Variants in ABR observed in about 807,000 individuals in gnomAD.
ABR encodes the protein active breakpoint cluster region-related protein.
In ABR, 35 loss-of-function variants were observed where a neutral mutation model predicts 107.2. The observed-to-expected ratio is 0.33, with a 90% CI of 0.25 to 0.43. ABR has a LOEUF of 0.43. ABR is among the 20% of genes least tolerant of loss of function. ABR has a pLI of 1.00. For synonymous variants in ABR, 498 were observed against 462.0 expected (o/e 1.08, Z -1.00); for missense variants, 815 against 1,115.2 (o/e 0.73, Z 3.83).
chr17:1,170,166 T>G (rs2041655974), intron 1 of ABR, among the ~76,000 whole-genome samples: 1 of 152,154 alleles, frequency 6.6e-6, no homozygotes. Flanking sequence ...ATGCTCCCAG[T>G]GCTTCCAGGA....
At chr17:1,021,490 G>A (rs558254457) in intron 16 of ABR, among the ~76,000 whole-genome samples, 1 of 152,224 alleles carries the variant, frequency 6.6e-6, no homozygotes, top group African/African-American at 2.4e-5. Context: ...CCTCAGAGGG[G>A]GTTGCAGAGG....
At chr17:1,208,646 T>C (rs1390727407) in intron 1 of ABR, among the ~76,000 whole-genome samples, 1 of 152,154 alleles carries the variant, frequency 6.6e-6, no homozygotes, top group Admixed American at 6.6e-5. Context: ...CCCAGCACTT[T>C]GGGAGGCCGA....
chr17:1,203,043 C>T (rs1352891452), intron 1 of ABR, among the ~76,000 whole-genome samples: 7 of 152,152 alleles, frequency 4.6e-5, no homozygotes, highest in Non-Finnish European at 8.8e-5. Flanking sequence ...TGCACCACCA[C>T]GCCTGGCTAA....
intron 16 of ABR, among the ~76,000 whole-genome samples, chr17:1,013,687 C>T (rs554874233): frequency 2.6e-5 from 4 of 152,358 alleles, no homozygotes; most frequent in African/African-American, 9.6e-5. Context: ...GTTTTAAACT[C>T]ACTAAGCCTC....
chr17:1,162,021 G>C (rs907493964), intron 1 of ABR, among the ~76,000 whole-genome samples: 1 of 152,184 alleles, frequency 6.6e-6, no homozygotes, highest in African/African-American at 2.4e-5. Context: ...TCCCAGTGCT[G>C]CACGGACTTT....
At chr17:1,171,330 T>TCCCAC (rs999861617) in intron 1 of ABR, among the ~76,000 whole-genome samples, 1 of 152,076 alleles carries the variant, frequency 6.6e-6, no homozygotes, top group Non-Finnish European at 1.5e-5. Context: ...AGCCCTTCAA[T>TCCCAC]CCCACGAAGG....
intron 1 of ABR, among the ~76,000 whole-genome samples, chr17:1,129,153 G>A (rs1467535798): frequency 1.3e-5 from 2 of 152,216 alleles, no homozygotes; most frequent in Non-Finnish European, 2.9e-5. Context: ...TCCCATGGAG[G>A]GGAACGTCAC....
chr17:1,029,951 G>A (rs1242432847), intron 16 of ABR, among the ~76,000 whole-genome samples: 7 of 151,792 alleles, frequency 4.6e-5, no homozygotes, highest in East Asian at 1.9e-4. Flanking sequence ...TCCACGACAC[G>A]GACACACTGT....
chr17:1,079,007 G>C, intron 6 of ABR: 3 of 1,464,764 alleles, frequency 2.0e-6, no homozygotes, highest in Non-Finnish European at 1.8e-6. Flanking sequence ...CTTCCAGCAA[G>C]GGGGAGGGGA....
At chr17:1,225,095 G>C (rs2043188927) in intron 1 of ABR, among the ~76,000 whole-genome samples, 1 of 149,210 alleles carries the variant, frequency 6.7e-6, no homozygotes, top group Non-Finnish European at 1.5e-5. Flanking sequence ...CTTGCAGGGA[G>C]CCCAGATGGC....
intron 1 of ABR, among the ~76,000 whole-genome samples, chr17:1,158,928 C>T (rs2041151564): frequency 6.6e-6 from 1 of 152,202 alleles, no homozygotes; most frequent in South Asian, 2.1e-4. Context: ...CCTAGGATTA[C>T]CCAGAGAAGG....
rs373497755 is a variant in ABR at position 1,070,049 on chromosome 17, T to A, written c.936A>T (p.Ser312=). The A allele has an allele frequency of 6.2e-7, 1 of 1,613,212 alleles. No homozygotes were observed. Among genetic ancestry groups the A allele is most frequent in the Non-Finnish European group, 8.5e-7 (1 of 1,179,728 alleles). The change falls in exon 9 of 23, where the codon TCA becomes TCT. Residue 312 remains serine (S), a synonymous_variant. Transcript: ENST00000302538. This position sits in a 1 kb window ranked among gnomAD's most constrained non-coding sequence, Gnocchi z 4.2. ...CGTGCCGCAGCTTCCGGGAGCTCTC[T>A]GACACTTCCACCAGGAAGCCGTCCT... ...LVKDGFLVEV[S]ESSRKLRHVF... is the part of the protein sequence containing the mutation.
intron 10 of ABR, 49 bp downstream of exon 10, chr17:1,067,028 A>T: frequency 6.3e-7 from 1 of 1,598,168 alleles, no homozygotes; most frequent in Non-Finnish European, 8.5e-7. Flanking sequence ...ACCTCCCCCA[A>T]CACAGCTGGC....
rs556625114 is a variant in ABR at position 1,084,993 on chromosome 17, C to T, written c.532-1366G>A. Among the ~76,000 whole-genome samples, 3 of 149,436 alleles carry T rather than the reference C, an allele frequency of 2.0e-5. No homozygotes were observed. The highest frequency in any genetic ancestry group is 2.0e-4 in the East Asian group (1 of 4,972). On this transcript the variant is annotated intron_variant, in intron 4 of 22. Coordinates refer to ENST00000302538, the MANE Select transcript of ABR (RefSeq NM_021962.5). This position sits in a 1 kb window ranked among gnomAD's most constrained non-coding sequence, Gnocchi z 4.2. ...AATCTTGTATTTTTAGTAGAGACGG[C>T]GTTTCTCCATATTGGTCAGGCTGGT...
At chr17:1,053,469 C>T (rs1032590019) in intron 14 of ABR, among the ~76,000 whole-genome samples, 8 of 151,962 alleles carry the variant, frequency 5.3e-5, no homozygotes, top group Admixed American at 2.0e-4. Flanking sequence ...GCGAGGGTTC[C>T]GGAGTCAGAC....
chr17:1,067,329 G>T, intron 9 of ABR, 87 bp from the exon 10 acceptor site: 1 of 1,242,950 alleles, frequency 8.0e-7, no homozygotes, highest in Non-Finnish European at 1.1e-6. Flanking sequence ...CAGAACCACT[G>T]ACAGGGGTTG....
intron 1 of ABR, among the ~76,000 whole-genome samples, chr17:1,199,868 C>T (rs569911747): frequency 1.3e-3 from 192 of 151,868 alleles, no homozygotes; most frequent in Non-Finnish European, 2.1e-3. Flanking sequence ...ATAAAATACA[C>T]CACCCCAATT....
At chr17:1,045,956 C>T (rs989160093) in intron 16 of ABR, among the ~76,000 whole-genome samples, 1 of 152,178 alleles carries the variant, frequency 6.6e-6, no homozygotes, top group Non-Finnish European at 1.5e-5. Context: ...CTACAACCTC[C>T]ACCTCCCAGG....
chr17:1,140,582 ATTGAT>A (rs2040247298), intron 1 of ABR, among the ~76,000 whole-genome samples: 2 of 152,122 alleles, frequency 1.3e-5, no homozygotes, highest in South Asian at 2.1e-4. Flanking sequence ...ACTTTATTTT[ATTGAT>A]TTATTTATTT....
Sources: gnomAD v4.1 joint callset for allele counts (sites outside exome capture counted in the v4.1 genomes callset) on GRCh38, gnomAD v4.1.1 for gene constraint, Gnocchi (gnomAD v3.1) non-coding constraint, MANE v1.5 for transcripts, NCBI Gene and HGNC (gene_info 2026-07-23, HGNC 2026-07-21) for gene names.